CNKSR3: variants seen among roughly 807,000 people sequenced by gnomAD.
CNKSR3 encodes CNKSR family member 3, also known as connector enhancer of kinase suppressor of ras 3.
Under a neutral mutation model 67.7 loss-of-function variants are expected in CNKSR3, and 36 were observed. The ratio of observed to expected loss-of-function variants is 0.53; its 90% confidence interval spans 0.41 to 0.70. The LOEUF is 0.70. Ranked by LOEUF, CNKSR3 falls within the 30% of genes least tolerant of loss-of-function variation. The pLI, the probability that CNKSR3 is intolerant of heterozygous loss-of-function variation, is 0.00. For missense variants in CNKSR3, 630 were observed against 695.2 expected, an observed-to-expected ratio of 0.91 and a Z score of 1.05; for synonymous variants, 281 against 271.4, an observed-to-expected ratio of 1.04 and a Z score of -0.35.
At chr6:154,480,587 C>A (rs1484079702) in intron 1 of CNKSR3, among the ~76,000 whole-genome samples, 1 of 152,188 alleles carries the variant, frequency 6.6e-6, no homozygotes, top group East Asian at 1.9e-4. Context: ...TGGATGAATG[C>A]AGAATTTAAA....
rs568625231 is a variant in CNKSR3 at position 154,399,653 on chromosome 6, C to G, written c.*6701G>C. The G allele has an allele frequency of 4.6e-5, 7 of 152,166 alleles. No individual in the cohort carries two copies. Among genetic ancestry groups the G allele is most frequent in the African/African-American group, 1.4e-4 (6 of 41,528 alleles). 9.4% of individuals were successfully genotyped at this position (152,166 alleles called of 1,614,324 possible). On this transcript the variant is annotated 3_prime_UTR_variant, in exon 13 of 13. Transcript: ENST00000607772. ...TCAAATCCCTCCTCTTATCCTGGTGCAGCCTCAGTTGGAGTGACAGGAAGT... is the reference window on the plus strand; with the variant it reads ...TCAAATCCCTCCTCTTATCCTGGTGGAGCCTCAGTTGGAGTGACAGGAAGT...
At chr6:154,474,476 T>G (rs1786401809) in intron 1 of CNKSR3, among the ~76,000 whole-genome samples, 1 of 151,624 alleles carries the variant, frequency 6.6e-6, no homozygotes, top group Non-Finnish European at 1.5e-5. Flanking sequence ...ACATCAATAT[T>G]AGCTATTATT....
At chr6:154,447,699 C>A (rs1331801334) in intron 2 of CNKSR3, among the ~76,000 whole-genome samples, 1 of 152,060 alleles carries the variant, frequency 6.6e-6, no homozygotes, top group Admixed American at 6.6e-5. Flanking sequence ...TTGTTTCTCC[C>A]CTCCCCCTTC....
At chr6:154,444,629 C>T (rs1283997992) in intron 2 of CNKSR3, among the ~76,000 whole-genome samples, 2 of 127,572 alleles carry the variant, frequency 1.6e-5, no homozygotes, top group Admixed American at 8.2e-5. Context: ...TTTTTTGAAA[C>T]GGAGTTTCAC....
At position 154,492,579 on chromosome 6, in the gene CNKSR3, C is replaced by T. The variant is rs980150259; in HGVS notation, c.52+17484G>A. 2.6e-5 allele frequency among the ~76,000 whole-genome samples: 4 copies of T among 151,940 alleles called. No individual in the cohort carries two copies. In the South Asian group the frequency reaches 8.3e-4, roughly 32 times the overall value. ...TGGCCAACATGGTGAAACCCCATCT[C>T]TCCTAAAAATACAAAAATTAGCCTG... On this transcript the variant is annotated intron_variant, in intron 1 of 12. Transcript: ENST00000607772.
rs1370635296 is a variant in CNKSR3 at position 154,389,859 on chromosome 6, T to C, written c.*16495A>G. 6 of 152,226 alleles carry C rather than the reference T, an allele frequency of 3.9e-5. No homozygotes were observed. Among genetic ancestry groups the C allele is most frequent in the African/African-American group, 1.4e-4 (6 of 41,456 alleles). The allele number at this position is 152,226 out of a possible 1,614,324, so 9.4% of individuals were successfully genotyped here. Reference sequence around the variant, plus strand: ...CTTAACTAAGGAGGTGAAAGACTTGTATACTGAAAACTACAAAATACTGAT... The same window carrying C: ...CTTAACTAAGGAGGTGAAAGACTTGCATACTGAAAACTACAAAATACTGAT... On this transcript the variant is annotated 3_prime_UTR_variant, in exon 13 of 13. Transcript: ENST00000607772.
chr6:154,449,495 T>A (rs1386930675), intron 2 of CNKSR3, among the ~76,000 whole-genome samples: 1 of 152,174 alleles, frequency 6.6e-6, no homozygotes, highest in Non-Finnish European at 1.5e-5. Flanking sequence ...GGCTAACTTT[T>A]GGTATTTCTA....
intron 1 of CNKSR3, among the ~76,000 whole-genome samples, chr6:154,459,896 T>C (rs183527276): frequency 5.3e-5 from 8 of 152,374 alleles, no homozygotes; most frequent in Admixed American, 3.9e-4. Context: ...TTGAGGTTTC[T>C]GAATGGGTAA....
In CNKSR3 at chr6:154,428,457, G is replaced by A. The variant is rs933327752; in HGVS notation, c.670-270C>T. On this transcript the variant is annotated intron_variant, in intron 6 of 12. Coordinates refer to ENST00000607772, the MANE Select transcript of CNKSR3 (RefSeq NM_173515.4). ...AGAATTATGCCACAACTCCGAGGAT[G>A]TGGGAGTGTTCTTAGACCTACAGGA... 3.9e-5 allele frequency among the ~76,000 whole-genome samples: 6 copies of A among 152,344 alleles called. No individual in the cohort carries two copies. In the East Asian group the frequency reaches 1.2e-3, roughly 29 times the overall value.
intron 3 of CNKSR3, 146 bp from the exon 4 acceptor site, chr6:154,441,525 C>T: frequency 1.6e-6 from 1 of 625,264 alleles, no homozygotes; most frequent in Non-Finnish European, 2.8e-6. Flanking sequence ...ACTCTGTCGC[C>T]CAGGCTGGAG....
chr6:154,430,713 A>G, intron 5 of CNKSR3, 122 bp from the exon 6 acceptor site: 1 of 920,494 alleles, frequency 1.1e-6, no homozygotes, highest in Non-Finnish European at 1.6e-6. Flanking sequence ...TCATTTTGAT[A>G]ATTCTGCTCA....
chr6:154,474,474 A>G (rs1052398539), intron 1 of CNKSR3, among the ~76,000 whole-genome samples: 4 of 151,986 alleles, frequency 2.6e-5, no homozygotes, highest in South Asian at 2.1e-4. Context: ...ACACATCAAT[A>G]TTAGCTATTA....
intron 1 of CNKSR3, among the ~76,000 whole-genome samples, chr6:154,456,543 C>CAAA (rs796270097): frequency 9.2e-6 from 1 of 108,410 alleles, no homozygotes. Flanking sequence ...ACTAAAAATA[C>CAAA]AAAAAAAAAA....
intron 1 of CNKSR3, among the ~76,000 whole-genome samples, chr6:154,469,126 T>C (rs1786269806): frequency 6.6e-6 from 1 of 152,232 alleles, no homozygotes; most frequent in Admixed American, 6.5e-5. Context: ...TGAGTCAATA[T>C]TTATACTGGC....
chr6:154,436,203 A>ACGACC (rs1785469439), intron 4 of CNKSR3, among the ~76,000 whole-genome samples: 1 of 152,172 alleles, frequency 6.6e-6, no homozygotes, highest in Admixed American at 6.5e-5. Flanking sequence ...ACAGGGTCTC[A>ACGACC]CTGTGTCACC....
At chr6:154,444,624 T>TTTTG (rs1554233824) in intron 2 of CNKSR3, among the ~76,000 whole-genome samples, 1 of 145,218 alleles carries the variant, frequency 6.9e-6, no homozygotes, top group African/African-American at 2.6e-5. Context: ...TTTTTTTTTT[T>TTTTG]GAAACGGAGT....
intron 1 of CNKSR3, among the ~76,000 whole-genome samples, chr6:154,451,439 A>T (rs906093500): frequency 6.6e-6 from 1 of 152,068 alleles, no homozygotes; most frequent in Non-Finnish European, 1.5e-5. Context: ...AAAAGTATGT[A>T]GAAAGCATGC....
intron 1 of CNKSR3, among the ~76,000 whole-genome samples, chr6:154,491,072 C>A (rs745454403): frequency 2.0e-5 from 3 of 152,118 alleles, no homozygotes; most frequent in Non-Finnish European, 4.4e-5. Flanking sequence ...GTCTTGAACT[C>A]CCGACATCAG....
chr6:154,455,116 C>T (rs1337005557), intron 1 of CNKSR3, among the ~76,000 whole-genome samples: 2 of 150,978 alleles, frequency 1.3e-5, no homozygotes. Context: ...CGAGACGAGG[C>T]CTGGCCAACA....
Sources: gnomAD v4.1 joint callset for allele counts (sites outside exome capture counted in the v4.1 genomes callset) on GRCh38, gnomAD v4.1.1 for gene constraint, MANE v1.5 for transcripts, NCBI Gene and HGNC (gene_info 2026-07-23, HGNC 2026-07-21) for gene names.